DCHS1: variants seen among roughly 807,000 people sequenced by gnomAD.
The protein encoded by DCHS1 is dachsous cadherin-related 1.
In DCHS1, 78 loss-of-function variants were observed where a neutral mutation model predicts 213.9. The observed-to-expected ratio is 0.36, with a 90% confidence interval of 0.30 to 0.44. The LOEUF is 0.44. DCHS1 is among the 20% of genes least tolerant of loss of function. The pLI is 1.00. For synonymous variants in DCHS1, 1,828 were observed against 1,873.7 expected, an observed-to-expected ratio of 0.98 and a Z score of 0.63; for missense variants, 3,946 against 4,395.9, an observed-to-expected ratio of 0.90 and a Z score of 2.89.
rs1456417082 is a variant in DCHS1, at chr11:6,626,088, G to T, written c.6577-14C>A. The T allele has an allele frequency of 3.1e-6, 5 of 1,605,428 alleles. No individual in the cohort carries two copies. Among genetic ancestry groups the T allele is most frequent in the Non-Finnish European group, 4.3e-6 (5 of 1,175,942 alleles). On this transcript the variant is annotated splice_polypyrimidine_tract_variant and intron_variant, in intron 16 of 20. Transcript: ENST00000299441. This position sits in a 1 kb window ranked among gnomAD's most constrained non-coding sequence, Gnocchi z 5.2. ...ATCCGCCTCCACCTGGTGAGGGTAG[G>T]AGGCTGCTGGGACTGGTCTGGCCAC...
In DCHS1 at chr11:6,635,395, G is replaced by A. The variant is rs576757491; in HGVS notation, c.1798-1089C>T. On this transcript the variant is annotated intron_variant, in intron 2 of 20. Coordinates refer to ENST00000299441, the MANE Select transcript of DCHS1 (RefSeq NM_003737.4). ...TTGGGTACACATTAGGCCCTCAATA[G>A]TGGGTTAGCTGGTGCTGACAACTGT... 3.9e-5 allele frequency among the ~76,000 whole-genome samples: 6 copies of A among 152,296 alleles called. No individual in the cohort carries two copies. In the South Asian group the frequency reaches 1.2e-3, roughly 32 times the overall value.
intron 2 of DCHS1, among the ~76,000 whole-genome samples, chr11:6,636,913 C>A (rs1855994378): frequency 6.6e-6 from 1 of 152,178 alleles, no homozygotes. Flanking sequence ...CTGGATGTCC[C>A]ACAGGCACCC....
intron 1 of DCHS1, among the ~76,000 whole-genome samples, chr11:6,642,429 A>C (rs558484246): frequency 6.6e-6 from 1 of 152,354 alleles, no homozygotes; most frequent in Admixed American, 6.5e-5. Context: ...AAGAGAAGCA[A>C]CACAGGCAGG....
rs769006621 is a variant in DCHS1 at position 6,626,609 on chromosome 11, T to C, written c.6307A>G (p.Thr2103Ala). 281 of 1,613,690 alleles carry C rather than the reference T, an allele frequency of 1.7e-4. No homozygotes were observed. The highest frequency in any genetic ancestry group is 2.3e-4 in the Non-Finnish European group (267 of 1,179,844). The change falls in exon 15 of 21, where the codon ACC (threonine) becomes GCC (alanine). Residue 2103 changes from threonine to alanine, a missense_variant. Around this residue, in one of 3 missense-constraint regions of DCHS1, gnomAD observed 3,384 missense variants for 3,780.1 expected, o/e 0.90. Coordinates refer to ENST00000299441, the MANE Select transcript of DCHS1 (RefSeq NM_003737.4). The surrounding 1 kb of genome is among the most constrained non-coding windows in gnomAD (Gnocchi z 5.2). ...TCATTCCCACTGAGAATGCTGTAGGTGATGGGTCCATTTGTGCCTCCTGCA... is the reference window on the plus strand; with the variant it reads ...TCATTCCCACTGAGAATGCTGTAGGCGATGGGTCCATTTGTGCCTCCTGCA... ...VHAGGTNGPI[T>A]YSILSGNEKG...
In DCHS1 at chr11:6,638,286, A is replaced by G. The variant is rs367817094; in HGVS notation, c.1797+1531T>C. ...AGCCTCCTAAGAGGACTCCCTGCCC[A>G]CTGTCCTCTCTCCTGCTGCCATTCT... On this transcript the variant is annotated intron_variant, in intron 2 of 20. Coordinates refer to ENST00000299441, the MANE Select transcript of DCHS1 (RefSeq NM_003737.4). 2.3e-3 allele frequency among the ~76,000 whole-genome samples: 347 copies of G among 152,344 alleles called. 2 individuals carry two copies. Among genetic ancestry groups the G allele is most frequent in the African/African-American group, 7.9e-3 (327 of 41,582 alleles).
In DCHS1 at chr11:6,623,360, G is replaced by C; in HGVS notation, c.8316C>G (p.Pro2772=). The change falls in exon 21 of 21, where the codon CCC becomes CCG. Residue 2772 remains proline, a synonymous_variant. Transcript: ENST00000299441. ...SSTGELRARV[P]FDYEHTESFR... ...AGCTTTCTGTGTGCTCATAGTCAAA[G>C]GGCACTCGCGCACGCAACTCCCCTG... is the stretch of plus-strand genomic sequence containing the variant. 6.3e-7 allele frequency: 1 copy of C among 1,597,458 alleles called. No homozygotes were observed. The highest frequency in any genetic ancestry group is 2.3e-5 in the East Asian group (1 of 43,950).
intron 19 of DCHS1, 100 bp from the exon 20 acceptor site, chr11:6,624,968 C>G: frequency 6.5e-7 from 1 of 1,529,296 alleles, no homozygotes; most frequent in Non-Finnish European, 8.9e-7. Context: ...TGCTTGGCGT[C>G]TATTCCAACT....
rs756609982 is a variant in DCHS1, at chr11:6,640,847, T to A, written c.767A>T (p.Asn256Ile). The A allele has an allele frequency of 3.1e-6, 5 of 1,614,010 alleles. No homozygotes were observed. The highest frequency in any genetic ancestry group is 4.2e-6 in the Non-Finnish European group (5 of 1,179,884). ...CACCACAGCATGGTAGCGGCTCTGA[T>A]TGAAAGCCGGGGCATGGTCATTGAT... ...LDINDHAPAF[N>I]QSRYHAVVSE... Residue 256 changes from asparagine (N) to isoleucine (I), a missense_variant, in exon 2 of 21, where the codon AAT becomes ATT. Physicochemically the swap from Asn to Ile is moderately radical, Grantham distance 149. Around this residue, in one of 3 missense-constraint regions of DCHS1, gnomAD observed 3,384 missense variants for 3,780.1 expected, o/e 0.90. Transcript: ENST00000299441. The surrounding 1 kb of genome is among the most constrained non-coding windows in gnomAD (Gnocchi z 6.5).
rs139332154 is a variant in DCHS1 at position 6,639,383 on chromosome 11, G to A, written c.1797+434C>T. Among the ~76,000 whole-genome samples the A allele has an allele frequency of 3.7e-3, 564 of 152,166 alleles. 4 individuals carry two copies. Among genetic ancestry groups the A allele is most frequent in the African/African-American group, 0.013 (539 of 41,510 alleles). The stretch of plus-strand genomic sequence containing the variant: ...GTCTGAGACCAAATGGCCTATTAAG[G>A]CTCAGCTCTGAGGGCAGGGATGAGG... On this transcript the variant is annotated intron_variant, in intron 2 of 20. Coordinates refer to ENST00000299441, the MANE Select transcript of DCHS1 (RefSeq NM_003737.4).
At chr11:6,643,254 T>C (rs1170912483) in intron 1 of DCHS1, among the ~76,000 whole-genome samples, 5 of 152,098 alleles carry the variant, frequency 3.3e-5, no homozygotes, top group African/African-American at 9.7e-5. Flanking sequence ...TGGGATGTAG[T>C]CACCAGAGGA....
In DCHS1 at chr11:6,634,251, C is replaced by T; in HGVS notation, c.1853G>A (p.Gly618Asp). 1.2e-6 allele frequency: 2 copies of T among 1,613,574 alleles called. No individual in the cohort carries two copies. Among genetic ancestry groups the T allele is most frequent in the East Asian group, 2.2e-5 (1 of 44,886 alleles). ...GPFGLLSYSLGAGLGSSGSPP... is the reference protein window; with the variant it reads ...GPFGLLSYSLDAGLGSSGSPP... ...AGATCCGGAGGACCCAAGTCCAGCA[C>T]CCAAGGAATAGGAGAGGAGGCCAAA... The change falls in exon 3 of 21, where the codon GGT (glycine) becomes GAT (aspartate). Residue 618 changes from glycine to aspartate, a missense_variant. Gly to Asp is a moderately conservative substitution (Grantham distance 94). Transcript: ENST00000299441.
Position 6,623,034 on chromosome 11 carries a change from G to A in DCHS1, c.8642C>T (p.Thr2881Ile). ...CCGGCCCCCACCCCCAGAGGTGGCT[G>A]TTCCGCTGCCTGGTGCCCGACTGTC... Reference protein sequence around the residue: ...RVDSRAPGSGTATSGGGGRTR... With the variant: ...RVDSRAPGSGIATSGGGGRTR... The change falls in exon 21 of 21, where the codon ACA becomes ATA. Residue 2881 changes from threonine to isoleucine, a missense_variant. Coordinates refer to ENST00000299441, the MANE Select transcript of DCHS1 (RefSeq NM_003737.4). 2 of 1,574,218 alleles carry A rather than the reference G, an allele frequency of 1.3e-6. No homozygotes were observed. The highest frequency in any genetic ancestry group is 1.2e-5 in the South Asian group (1 of 86,074).
chr11:6,653,519 C>T (rs1305876340), intron 1 of DCHS1, among the ~76,000 whole-genome samples: 6 of 152,022 alleles, frequency 3.9e-5, no homozygotes, highest in African/African-American at 9.7e-5. Context: ...AATGAATTAG[C>T]GTTTTGATTA....
intron 1 of DCHS1, among the ~76,000 whole-genome samples, chr11:6,644,282 G>C (rs11607376): frequency 0.091 from 13,912 of 152,224 alleles, 974 homozygotes; most frequent in East Asian, 0.26. Flanking sequence ...TAGAACTTCT[G>C]ATCTACAAGA....
chr11:6,624,800 T>C lies in DCHS1; in HGVS notation c.7215A>G (p.Ser2405=), dbSNP rs939823287. ...GGTAGGAAATGTGACCGTTGGCACC[T>C]GAGTCCCGATCAGTGGCAGAGACGG... is the stretch of plus-strand genomic sequence containing the variant. ...ILSVSATDRD[S]GANGHISYHL... Residue 2405 remains serine, a synonymous_variant, in exon 20 of 21, where the codon TCA becomes TCG. Transcript: ENST00000299441. 1 of 1,613,758 alleles carries C rather than the reference T, an allele frequency of 6.2e-7. No homozygotes were observed. Among genetic ancestry groups the C allele is most frequent in the Non-Finnish European group, 8.5e-7 (1 of 1,179,828 alleles).
At chr11:6,636,696 C>G (rs1167572539) in intron 2 of DCHS1, among the ~76,000 whole-genome samples, 1 of 152,176 alleles carries the variant, frequency 6.6e-6, no homozygotes, top group African/African-American at 2.4e-5. Context: ...CTGCTTCCCC[C>G]ACCACCCACT....
chr11:6,629,540 G>C lies in DCHS1; in HGVS notation c.5073C>G (p.Ser1691Arg). 6.2e-7 allele frequency: 1 copy of C among 1,613,542 alleles called. No homozygotes were observed. The highest frequency in any genetic ancestry group is 8.5e-7 in the Non-Finnish European group (1 of 1,179,698). ...NGQVTYGGVS[S>R]ESFSLDPDTG... is the part of the protein sequence containing the mutation. ...TGTCAGGATCCAGAGAAAAGCTTTC[G>C]CTAGAGACGCCTCCATAAGTCACTT... is the stretch of plus-strand genomic sequence containing the variant. The change falls in exon 12 of 21, where the codon AGC (serine) becomes AGG (arginine). Residue 1691 changes from serine (S) to arginine (R), a missense_variant. Ser to Arg is a moderately radical substitution (Grantham distance 110). This residue lies in a region of DCHS1 where 3,384 missense variants were observed against 3,780.1 expected (regional missense o/e 0.90). Coordinates refer to ENST00000299441, the MANE Select transcript of DCHS1 (RefSeq NM_003737.4).
At position 6,630,762 on chromosome 11, in the gene DCHS1, T is replaced by C. The variant is rs957313385; in HGVS notation, c.4032A>G (p.Gly1344=). 6 of 1,546,480 alleles carry C rather than the reference T, an allele frequency of 3.9e-6. No individual in the cohort carries two copies. The African/African-American group carries it at 4.1e-5, about 11-fold the overall frequency. ...PVVLTVTAAE[G]LRPGSLLGSV... The stretch of plus-strand genomic sequence containing the variant: ...AGCCCAACAGAGAGCCGGGCCGCAG[T>C]CCCTCAGCTGCTGTCACCGTCAGCA... Residue 1344 remains glycine, a synonymous_variant, in exon 10 of 21, where the codon GGA becomes GGG. Coordinates refer to ENST00000299441, the MANE Select transcript of DCHS1 (RefSeq NM_003737.4).
chr11:6,622,084 G>A lies in DCHS1; in HGVS notation c.9592C>T (p.Arg3198Cys), dbSNP rs779065285. The change falls in exon 21 of 21, where the codon CGT becomes TGT. Residue 3198 changes from arginine to cysteine, a missense_variant. Coordinates refer to ENST00000299441, the MANE Select transcript of DCHS1 (RefSeq NM_003737.4). The surrounding 1 kb of genome is among the most constrained non-coding windows in gnomAD (Gnocchi z 5.4). Reference sequence around the variant, plus strand: ...GTGATGAGGGGTGGTGGGTCGATACGGGGAGCTGGGGGACATGGCCGAGCT... The same window carrying A: ...GTGATGAGGGGTGGTGGGTCGATACAGGGAGCTGGGGGACATGGCCGAGCT... ...DEARPCPPAPRIDPPPLITAV... is the reference protein window; with the variant it reads ...DEARPCPPAPCIDPPPLITAV... 2.4e-5 allele frequency: 39 copies of A among 1,612,964 alleles called. No individual in the cohort carries two copies. Among genetic ancestry groups the A allele is most frequent in the Admixed American group, 8.3e-5 (5 of 59,984 alleles).
Sources: gnomAD v4.1 joint callset for allele counts (sites outside exome capture counted in the v4.1 genomes callset) on GRCh38, gnomAD v4.1.1 for gene constraint, gnomAD v4.1.1 regional missense constraint, Gnocchi (gnomAD v3.1) non-coding constraint, MANE v1.5 for transcripts, NCBI Gene and HGNC (gene_info 2026-07-23, HGNC 2026-07-21) for gene names.